ABCA13: variants seen among roughly 807,000 people sequenced by gnomAD.
The protein encoded by ABCA13 is ATP binding cassette subfamily A member 13.
A neutral mutation model predicts 478.7 loss-of-function variants in ABCA13; 476 were observed. The observed-to-expected ratio is 0.99, with a 90% CI of 0.92 to 1.07. The LOEUF (loss-of-function observed/expected upper bound fraction) is 1.07, where lower values mean the gene tolerates loss of function less well. Ranked by LOEUF, ABCA13 falls within the 50% of genes least tolerant of loss-of-function variation. The probability of loss-of-function intolerance (pLI) is 0.00; values close to 1 mark genes in which losing one functional copy is unlikely to be tolerated. For synonymous variants in ABCA13, 2,252 were observed against 2,158.9 expected, an observed-to-expected ratio of 1.04 and a Z score of -1.20; for missense variants, 6,060 against 5,910.6, an observed-to-expected ratio of 1.03 and a Z score of -0.83.
chr7:48,187,560 CT>C (rs1209132318), intron 1 of ABCA13, among the ~76,000 whole-genome samples: 1 of 151,802 alleles, frequency 6.6e-6, no homozygotes, highest in Non-Finnish European at 1.5e-5. Context: ...AATATATTAG[CT>C]TTTGCGTCTT....
rs184405072 is a variant in ABCA13 at position 48,250,097 on chromosome 7, C to T, written c.2005+746C>T. On this transcript the variant is annotated intron_variant, in intron 15 of 61. Transcript: ENST00000435803. ...GTACAAGTCACAGAATGCAGAAAAA[C>T]AGCTTACTTCCTAGGTTACTGGTTT... Among the ~76,000 whole-genome samples the T allele has an allele frequency of 8.5e-5, 13 of 152,180 alleles. No homozygotes were observed. The East Asian group carries it at 2.5e-3, about 29-fold the overall frequency.
intron 41 of ABCA13, among the ~76,000 whole-genome samples, chr7:48,424,997 T>C (rs887629907): frequency 6.6e-6 from 1 of 152,220 alleles, no homozygotes; most frequent in Non-Finnish European, 1.5e-5. Flanking sequence ...TCTGATGGTC[T>C]TAGGCTTGCC....
chr7:48,647,209 C>T lies in ABCA13; in HGVS notation c.*1697C>T, dbSNP rs367777425. On this transcript the variant is annotated 3_prime_UTR_variant, in exon 62 of 62. Transcript: ENST00000435803. ...CAAGATTTCATTAAATCTCTATTTC[C>T]TAAATATCATTCTATACAAAAGATA... 14 of 152,274 alleles carry T rather than the reference C, an allele frequency of 9.2e-5. 1 individual carries two copies. In the East Asian group the frequency reaches 1.4e-3, roughly 15 times the overall value. 9.4% of individuals were successfully genotyped at this position (152,274 alleles called of 1,614,324 possible).
At chr7:48,344,589 C>T (rs921384248) in intron 29 of ABCA13, among the ~76,000 whole-genome samples, 4 of 152,184 alleles carry the variant, frequency 2.6e-5, no homozygotes, top group Non-Finnish European at 5.9e-5. Flanking sequence ...TTTGCCCTTT[C>T]AGACTTAAAG....
intron 58 of ABCA13, among the ~76,000 whole-genome samples, chr7:48,601,054 T>C (rs1164597151): frequency 2.0e-5 from 3 of 152,122 alleles, no homozygotes; most frequent in Admixed American, 6.5e-5. Flanking sequence ...ATAATCTTTA[T>C]TGATCTATGT....
chr7:48,416,758 C>A (rs1053086692), intron 41 of ABCA13, among the ~76,000 whole-genome samples: 6 of 152,022 alleles, frequency 3.9e-5, no homozygotes, highest in African/African-American at 1.5e-4. Flanking sequence ...TGCTTCCTCA[C>A]CCTCCAGGTC....
chr7:48,515,740 G>C (rs1832056284), intron 51 of ABCA13, among the ~76,000 whole-genome samples: 1 of 152,154 alleles, frequency 6.6e-6, no homozygotes, highest in African/African-American at 2.4e-5. Flanking sequence ...GGTACCCCCT[G>C]TGCAGTGGAT....
chr7:48,385,181 T>C (rs531821499), intron 35 of ABCA13, among the ~76,000 whole-genome samples: 1 of 152,324 alleles, frequency 6.6e-6, no homozygotes, highest in South Asian at 2.1e-4. Flanking sequence ...CATGTGCAGG[T>C]TTGTTACATA....
At chr7:48,280,441 A>G (rs17132210) in intron 18 of ABCA13, among the ~76,000 whole-genome samples, 2,353 of 152,286 alleles carry the variant, frequency 0.015, 26 homozygotes, top group Middle Eastern at 0.054. Flanking sequence ...AGTTATGTCC[A>G]TAGAAACCTG....
At chr7:48,183,351 C>T (rs36174388) in intron 1 of ABCA13, among the ~76,000 whole-genome samples, 39,243 of 152,078 alleles carry the variant, frequency 0.26, 5,513 homozygotes, top group East Asian at 0.49. Context: ...AAATTACATA[C>T]TTAATCTGTA....
chr7:48,613,720 CCT>C (rs1792257464), intron 58 of ABCA13, among the ~76,000 whole-genome samples: 2 of 150,268 alleles, frequency 1.3e-5, no homozygotes, highest in African/African-American at 4.9e-5. Flanking sequence ...TTTCATGATT[CCT>C]CTTTCATTTT....
intron 54 of ABCA13, among the ~76,000 whole-genome samples, chr7:48,525,768 G>T (rs1832853328): frequency 7.5e-6 from 1 of 132,452 alleles, no homozygotes. Context: ...GGATACATTT[G>T]CAGAATGTGC....
chr7:48,239,790 TG>T (rs555684038), intron 9 of ABCA13, among the ~76,000 whole-genome samples: 176 of 152,386 alleles, frequency 1.2e-3, no homozygotes, highest in African/African-American at 4.2e-3. Context: ...GAACTGGCCT[TG>T]TCTCTTCACT....
At chr7:48,171,814 A>G (rs1794105311) in intron 1 of ABCA13, among the ~76,000 whole-genome samples, 1 of 152,240 alleles carries the variant, frequency 6.6e-6, no homozygotes, top group Non-Finnish European at 1.5e-5. Context: ...AAACAAACAA[A>G]AAAGCAGGTG....
chr7:48,263,946 A>G (rs368569991), intron 15 of ABCA13, among the ~76,000 whole-genome samples: 6 of 151,926 alleles, frequency 3.9e-5, no homozygotes, highest in South Asian at 4.1e-4. Context: ...TCTATTGTCA[A>G]TTCCGGCTTC....
intron 20 of ABCA13, among the ~76,000 whole-genome samples, chr7:48,290,533 C>A (rs770130646): frequency 1.3e-5 from 2 of 152,148 alleles, no homozygotes; most frequent in Middle Eastern, 3.4e-3. Context: ...ATTTTTCTTC[C>A]GGTAGTCCTT....
chr7:48,272,501 G>C lies in ABCA13; in HGVS notation c.2835G>C (p.Leu945Phe). 2 of 1,613,664 alleles carry C rather than the reference G, an allele frequency of 1.2e-6. No individual in the cohort carries two copies. The highest frequency in any genetic ancestry group is 2.7e-5 in the African/African-American group (2 of 74,996). ...AAAAACAAGAAGTTGATAAAATTTT[G>C]ACTCACATACACCTAAATGTCTTCC... is the stretch of plus-strand genomic sequence containing the variant. ...EPQKQEVDKI[L>F]THIHLNVFQD... The change falls in exon 17 of 62, where the codon TTG becomes TTC. Residue 945 changes from leucine to phenylalanine, a missense_variant. Coordinates refer to ENST00000435803, the MANE Select transcript of ABCA13 (RefSeq NM_152701.5).
rs753712897 is a variant in ABCA13, at chr7:48,427,808, A to G, written c.12502A>G (p.Ile4168Val). 6.8e-6 allele frequency: 11 copies of G among 1,613,698 alleles called. No individual in the cohort carries two copies. The highest frequency in any genetic ancestry group is 8.5e-6 in the Non-Finnish European group (10 of 1,179,808). ...GCAAGATTCCAACAAGAAATCTCAC[A>G]TTGCCCTGGGGACTGAGTCAGAGCT... ...LLQDSNKKSH[I>V]ALGTESELQN... The change falls in exon 42 of 62, where the codon ATT becomes GTT. Residue 4168 changes from isoleucine to valine, a missense_variant. This residue lies in a region of ABCA13 where 1,627 missense variants were observed against 1,571.0 expected (regional missense o/e 1.04). Transcript: ENST00000435803.
intron 18 of ABCA13, among the ~76,000 whole-genome samples, chr7:48,281,033 T>C (rs1372734293): frequency 5.3e-5 from 8 of 152,194 alleles, no homozygotes; most frequent in African/African-American, 1.9e-4. Context: ...CTTCATACCA[T>C]CATGTTTTGA....
Sources: allele counts gnomAD v4.1 joint callset (sites outside exome capture counted in the v4.1 genomes callset), GRCh38; gene constraint gnomAD v4.1.1; regional missense constraint gnomAD v4.1.1; transcripts MANE v1.5; gene names NCBI Gene and HGNC (gene_info 2026-07-23, HGNC 2026-07-21).